SMAD5: variants seen among roughly 807,000 people sequenced by gnomAD.
The protein encoded by SMAD5 is MAD, mothers against decapentaplegic homolog 5.
In SMAD5, 9 loss-of-function variants were observed where a neutral mutation model predicts 43.1. That is an observed-to-expected ratio of 0.21 (90% CI 0.13 to 0.36). SMAD5 has a LOEUF of 0.36. SMAD5 is among the 10% of genes least tolerant of loss of function. The probability of loss-of-function intolerance (pLI) is 1.00; values close to 1 mark genes in which losing one functional copy is unlikely to be tolerated. For missense variants in SMAD5, 348 were observed against 574.0 expected, an observed-to-expected ratio of 0.61 and a Z score of 4.02; for synonymous variants, 190 against 192.4, an observed-to-expected ratio of 0.99 and a Z score of 0.10.
At chr5:136,133,738 T>A (rs1052173014) in intron 1 of SMAD5, 1 of 153,782 alleles carries the variant, frequency 6.5e-6, no homozygotes, top group Non-Finnish European at 1.5e-5. Context: ...CTCTCCTCCT[T>A]TCAGCTGCTG....
Position 136,160,868 on chromosome 5 carries a change from T to C in SMAD5, c.416T>C (p.Val139Ala), listed in dbSNP as rs967293777. 1 of 1,613,844 alleles carries C rather than the reference T, an allele frequency of 6.2e-7. No homozygotes were observed. Among genetic ancestry groups the C allele is most frequent in the African/African-American group, 1.3e-5 (1 of 74,932 alleles). Residue 139 changes from valine to alanine, a missense_variant, in exon 4 of 8, where the codon GTA becomes GCA. Physicochemically the swap from Val to Ala is moderately conservative, Grantham distance 64. Transcript: ENST00000545279. ...KRVESPVLPP[V>A]LVPRHNEFNP... ...TTTTGTTTTTCAGTCTTACCTCCAGTATTAGTGCCTCGTCATAATGAATTC... is the reference window on the plus strand; with the variant it reads ...TTTTGTTTTTCAGTCTTACCTCCAGCATTAGTGCCTCGTCATAATGAATTC...
chr5:136,160,384 C>A (rs1219166758), intron 3 of SMAD5, among the ~76,000 whole-genome samples: 1 of 152,044 alleles, frequency 6.6e-6, no homozygotes, highest in African/African-American at 2.4e-5. Flanking sequence ...CGTAGGCCAA[C>A]TGATTTTCTC....
chr5:136,160,356 T>A (rs1274323654), intron 3 of SMAD5, among the ~76,000 whole-genome samples: 2 of 152,190 alleles, frequency 1.3e-5, no homozygotes, highest in Non-Finnish European at 2.9e-5. Context: ...CTCTGTAGTC[T>A]TAACTCCTTG....
chr5:136,168,661 TATG>T (rs1306055214), intron 5 of SMAD5, among the ~76,000 whole-genome samples: 1 of 152,210 alleles, frequency 6.6e-6, no homozygotes, highest in African/African-American at 2.4e-5. Flanking sequence ...TATCCACCCT[TATG>T]ATATGATACA....
intron 1 of SMAD5, among the ~76,000 whole-genome samples, chr5:136,138,040 A>G (rs1454532298): frequency 6.6e-6 from 1 of 152,200 alleles, no homozygotes; most frequent in African/African-American, 2.4e-5. Context: ...TCCTGTGCCT[A>G]CACGCCTGTA....
chr5:136,169,994 T>C (rs767041276), intron 5 of SMAD5, among the ~76,000 whole-genome samples: 1 of 152,218 alleles, frequency 6.6e-6, no homozygotes, highest in Non-Finnish European at 1.5e-5. Context: ...TTTTGAATTA[T>C]AGTCTTTTAT....
intron 3 of SMAD5, among the ~76,000 whole-genome samples, 167 bp from the exon 4 acceptor site, chr5:136,160,689 T>G (rs562410963): frequency 6.6e-6 from 1 of 152,136 alleles, no homozygotes; most frequent in Admixed American, 6.5e-5. Flanking sequence ...TTGGATTCAG[T>G]TTTTATGTAA....
intron 6 of SMAD5, among the ~76,000 whole-genome samples, chr5:136,173,390 G>A (rs1377392126): frequency 6.6e-6 from 1 of 152,038 alleles, no homozygotes; most frequent in Non-Finnish European, 1.5e-5. Flanking sequence ...TTTAACTTGA[G>A]GGCATCTTGG....
chr5:136,176,225 A>G (rs1016201381), intron 7 of SMAD5, among the ~76,000 whole-genome samples: 6 of 151,806 alleles, frequency 4.0e-5, no homozygotes, highest in African/African-American at 1.4e-4. Context: ...AGGCCAAGGC[A>G]GGTGGATCAC....
Position 136,161,036 on chromosome 5 carries a change from C to T in SMAD5, c.584C>T (p.Pro195Leu). 2 of 1,613,878 alleles carry T rather than the reference C, an allele frequency of 1.2e-6. No individual in the cohort carries two copies. The highest frequency in any genetic ancestry group is 1.6e-4 in the Middle Eastern group (1 of 6,062). ...FPLSPNSPYPPSPASSTYPNS... is the reference protein window; with the variant it reads ...FPLSPNSPYPLSPASSTYPNS... ...TTATCTCCAAACAGCCCTTATCCCC[C>T]TTCTCCTGCTAGCAGCACATATCCC... The change falls in exon 4 of 8, where the codon CCT becomes CTT. Residue 195 changes from proline to leucine, a missense_variant. Physicochemically the swap from Pro to Leu is moderately conservative, Grantham distance 98. Transcript: ENST00000545279.
At chr5:136,156,294 T>G (rs956601451) in intron 3 of SMAD5, among the ~76,000 whole-genome samples, 11 of 152,198 alleles carry the variant, frequency 7.2e-5, no homozygotes, top group African/African-American at 2.7e-4. Context: ...CTTTGCCATA[T>G]TCTGTTGGTT....
intron 5 of SMAD5, among the ~76,000 whole-genome samples, 152 bp downstream of exon 5, chr5:136,163,543 C>T (rs1448419956): frequency 6.6e-6 from 1 of 152,088 alleles, no homozygotes; most frequent in Non-Finnish European, 1.5e-5. Flanking sequence ...GGTAAATACA[C>T]CAAGTTTTGC....
chr5:136,174,288 A>T, intron 6 of SMAD5, 88 bp from the exon 7 acceptor site: 1 of 1,254,418 alleles, frequency 8.0e-7, no homozygotes, highest in Non-Finnish European at 1.1e-6. Context: ...GCTGTGGATT[A>T]ATGGGTACTT....
At chr5:136,139,668 T>A (rs747476267) in intron 1 of SMAD5, among the ~76,000 whole-genome samples, 1 of 152,132 alleles carries the variant, frequency 6.6e-6, no homozygotes, top group Admixed American at 6.5e-5. Flanking sequence ...CCACCCCTCC[T>A]CCTGCTTATT....
chr5:136,137,266 T>TG (rs1206437063), intron 1 of SMAD5, among the ~76,000 whole-genome samples: 1 of 130,290 alleles, frequency 7.7e-6, no homozygotes, highest in Non-Finnish European at 1.6e-5. Flanking sequence ...TTGAATTTTT[T>TG]GGGACCCCCC....
intron 3 of SMAD5, 79 bp from the exon 4 acceptor site, chr5:136,160,777 C>G: frequency 7.0e-7 from 1 of 1,425,304 alleles, no homozygotes; most frequent in Non-Finnish European, 9.8e-7. Context: ...TACATGAATC[C>G]TTTCTACCAA....
intron 1 of SMAD5, chr5:136,134,923 C>A (rs187893294): frequency 6.6e-6 from 1 of 152,250 alleles, no homozygotes; most frequent in East Asian, 1.9e-4. Context: ...TTAGATTAAC[C>A]TTCTCAACTG....
At position 136,176,387 on chromosome 5, in the gene SMAD5, G is replaced by A. The variant is rs530385888; in HGVS notation, c.1255-950G>A. 3.4e-3 allele frequency among the ~76,000 whole-genome samples: 510 copies of A among 149,588 alleles called. 6 individuals are homozygous for A. Among genetic ancestry groups the A allele is most frequent in the African/African-American group, 0.012 (469 of 40,456 alleles). On this transcript the variant is annotated intron_variant, in intron 7 of 7. Transcript: ENST00000545279. ...GGAGAATTGTTTGAACCTGGGAGGC[G>A]GAGGTTGCAGTTAGCCAAGATTGCG...
intron 7 of SMAD5, among the ~76,000 whole-genome samples, chr5:136,176,746 T>C (rs1248163455): frequency 6.6e-6 from 1 of 152,140 alleles, no homozygotes; most frequent in Non-Finnish European, 1.5e-5. Context: ...TTCATAAATT[T>C]TACATCTGCA....
Sources: allele counts gnomAD v4.1 joint callset (sites outside exome capture counted in the v4.1 genomes callset), GRCh38; gene constraint gnomAD v4.1.1; transcripts MANE v1.5; gene names NCBI Gene and HGNC (gene_info 2026-07-23, HGNC 2026-07-21).